Variants in CCNB2 observed in about 807,000 individuals in gnomAD.
CCNB2 encodes cyclin B2.
CCNB2 carries 39 observed loss-of-function variants against 51.1 expected under a neutral mutation model. The observed-to-expected ratio is 0.76, with a 90% CI of 0.59 to 1.00. The LOEUF (loss-of-function observed/expected upper bound fraction) is 1.00. Among genes scored for constraint, CCNB2 ranks in the 50% least tolerant of loss-of-function variants. The pLI, the probability that CCNB2 is intolerant of heterozygous loss-of-function variation, is 0.00. For synonymous variants in CCNB2, 174 were observed against 165.5 expected (o/e 1.05, Z -0.40); for missense variants, 472 against 470.3 (o/e 1.00, Z -0.03).
In CCNB2 at chr15:59,121,931, C is replaced by CAA. The variant is rs3052992; in HGVS notation, c.976-1557_976-1556dup. ...TGGGCGACAGAATGAGACTCTGTCTCAAAAAAAAAAAAAAAAAAAAAAAAA... is the reference window on the plus strand; with the variant it reads ...TGGGCGACAGAATGAGACTCTGTCTCAAAAAAAAAAAAAAAAAAAAAAAAAAA... On this transcript the variant is annotated intron_variant, in intron 7 of 8. Coordinates refer to ENST00000288207, the MANE Select transcript of CCNB2 (RefSeq NM_004701.4). Among the ~76,000 whole-genome samples the CAA allele has an allele frequency of 9.1e-3, 128 of 14,074 alleles. 12 individuals carry two copies. Among genetic ancestry groups the CAA allele is most frequent in the East Asian group, 0.018 (8 of 446 alleles). 9.2% of individuals were successfully genotyped at this position (14,074 alleles called of 152,430 possible). A position where few individuals can be genotyped will look rare whatever the true frequency, so the allele number is the denominator to read the frequency against.
At chr15:59,123,808 A>G in intron 8 of CCNB2, 181 bp downstream of exon 8, 2 of 545,962 alleles carry the variant, frequency 3.7e-6, no homozygotes, top group Non-Finnish European at 3.3e-6. Flanking sequence ...GCATACTGAT[A>G]AACCCTGAAA....
At chr15:59,115,611 G>C (rs1438612772) in intron 5 of CCNB2, 2 of 152,068 alleles carry the variant, frequency 1.3e-5, no homozygotes, top group Admixed American at 6.5e-5. Flanking sequence ...CACAAATTCT[G>C]TCCAAACAAT....
chr15:59,108,678 G>A (rs1009902695), intron 3 of CCNB2, among the ~76,000 whole-genome samples: 3 of 152,142 alleles, frequency 2.0e-5, no homozygotes, highest in Non-Finnish European at 2.9e-5. Flanking sequence ...AGGAGAGGGC[G>A]GTAGCTTTGG....
chr15:59,112,555 T>C (rs1228751795), intron 3 of CCNB2, among the ~76,000 whole-genome samples: 8 of 151,720 alleles, frequency 5.3e-5, no homozygotes, highest in Non-Finnish European at 8.8e-5. Context: ...CCATGTTGGT[T>C]AGGCTGATTT....
chr15:59,106,737 T>A (rs1006298409), intron 1 of CCNB2, among the ~76,000 whole-genome samples: 6 of 152,056 alleles, frequency 3.9e-5, no homozygotes, highest in Non-Finnish European at 8.8e-5. Context: ...TAAGAGAAAA[T>A]CCATTCTATG....
intron 5 of CCNB2, 123 bp downstream of exon 5, chr15:59,114,999 A>G: frequency 9.3e-7 from 1 of 1,076,932 alleles, no homozygotes; most frequent in Non-Finnish European, 1.3e-6. Context: ...GTGAGAAGCC[A>G]AAGAACTTTG....
Position 59,123,619 on chromosome 15 carries a change from A to G in CCNB2, c.1078A>G (p.Lys360Glu). The G allele has an allele frequency of 6.3e-7, 1 of 1,598,096 alleles. No individual in the cohort carries two copies. The highest frequency in any genetic ancestry group is 8.6e-7 in the Non-Finnish European group (1 of 1,167,856). The change falls in exon 8 of 9, where the codon AAA becomes GAA. Residue 360 changes from lysine (K) to glutamate (E), a missense_variant. Lys to Glu is a moderately conservative substitution (Grantham distance 56). Transcript: ENST00000288207. ...GGTGAAAGTAAATGAAAACTTAACTAAATTCATCGTAAGTACTACTGTTTT... is the reference window on the plus strand; with the variant it reads ...GGTGAAAGTAAATGAAAACTTAACTGAATTCATCGTAAGTACTACTGTTTT... ...NVVKVNENLT[K>E]FIAIKNKYAS...
At chr15:59,117,445 A>T in intron 7 of CCNB2, 77 bp downstream of exon 7, 1 of 1,418,388 alleles carries the variant, frequency 7.1e-7, no homozygotes, top group South Asian at 1.2e-5. Context: ...TAGCATTTTT[A>T]CAACACTATC....
Position 59,114,757 on chromosome 15 carries a change from G to A in CCNB2, c.478G>A (p.Asp160Asn). Residue 160 changes from aspartate to asparagine, a missense_variant, in exon 5 of 9, where the codon GAT becomes AAT. Transcript: ENST00000288207. ...SINPHFLDGR[D>N]INGRMRAILV... ...AAACCCACATTTCTTAGATGGAAGAGATATAAATGGACGCATGCGTGCCAT... is the reference window on the plus strand; with the variant it reads ...AAACCCACATTTCTTAGATGGAAGAAATATAAATGGACGCATGCGTGCCAT... 1 of 1,614,050 alleles carries A rather than the reference G, an allele frequency of 6.2e-7. No homozygotes were observed. The highest frequency in any genetic ancestry group is 8.5e-7 in the Non-Finnish European group (1 of 1,179,936).
chr15:59,105,217 A>G lies in CCNB2; in HGVS notation c.-52A>G, dbSNP rs1335874625. 6.5e-7 allele frequency: 1 copy of G among 1,539,744 alleles called. No individual in the cohort carries two copies. ...TCGTACGCTAGTGTCCTCCCTTTTCAGTCCGCGTCCCTCCCTGGGCCGGGC... is the reference window on the plus strand; with the variant it reads ...TCGTACGCTAGTGTCCTCCCTTTTCGGTCCGCGTCCCTCCCTGGGCCGGGC... On this transcript the variant is annotated 5_prime_UTR_variant, in exon 1 of 9. Coordinates refer to ENST00000288207, the MANE Select transcript of CCNB2 (RefSeq NM_004701.4).
At chr15:59,107,194 T>C (rs1420612702) in intron 1 of CCNB2, 128 bp from the exon 2 acceptor site, 2 of 819,522 alleles carry the variant, frequency 2.4e-6, no homozygotes, top group East Asian at 2.7e-5. Flanking sequence ...GAAATGTACC[T>C]TTTCCATCTT....
In CCNB2 at chr15:59,113,062, A is replaced by AT. The variant is rs538450551; in HGVS notation, c.268-1375dup. Among the ~76,000 whole-genome samples, 23 of 152,060 alleles carry AT rather than the reference A, an allele frequency of 1.5e-4. 2 individuals are homozygous for AT. The South Asian group carries it at 3.5e-3, about 23-fold the overall frequency. ...AAAAAAAACATTTAAAAAAGCAAAG[A>AT]TTTTTTTATCTTTCATTAATAAATA... On this transcript the variant is annotated intron_variant, in intron 3 of 8. Coordinates refer to ENST00000288207, the MANE Select transcript of CCNB2 (RefSeq NM_004701.4).
intron 5 of CCNB2, 131 bp downstream of exon 5, chr15:59,115,007 T>G (rs1292130711): frequency 1.0e-6 from 1 of 967,882 alleles, no homozygotes; most frequent in Non-Finnish European, 1.5e-6. Context: ...CCAAAGAACT[T>G]TGGGGACTAA....
chr15:59,105,451 G>T (rs1285040046), intron 1 of CCNB2, among the ~76,000 whole-genome samples, 159 bp downstream of exon 1: 1 of 152,214 alleles, frequency 6.6e-6, no homozygotes, highest in Non-Finnish European at 1.5e-5. Context: ...CCTGCGGCCG[G>T]TCCTCTCCGG....
At chr15:59,123,702 G>GCGGCCCCCCCC in intron 8 of CCNB2, 75 bp downstream of exon 8, 1 of 677,806 alleles carries the variant, frequency 1.5e-6, no homozygotes, top group Non-Finnish European at 2.6e-6. Flanking sequence ...GCGGGGGGGG[G>GCGGCCCCCCCC]CGGTGTGTGC....
chr15:59,115,205 T>C (rs902267172), intron 5 of CCNB2, among the ~76,000 whole-genome samples: 6 of 152,160 alleles, frequency 3.9e-5, no homozygotes, highest in Admixed American at 3.9e-4. Flanking sequence ...GGATGCTGGT[T>C]TTCTGGGCCT....
chr15:59,107,711 C>A (rs201973541), intron 3 of CCNB2, 41 bp downstream of exon 3: 2 of 1,514,202 alleles, frequency 1.3e-6, no homozygotes, highest in East Asian at 2.2e-5. Context: ...AATGAGGTAG[C>A]CTGTTTTTAG....
chr15:59,116,430 G>A (rs1173693934), intron 5 of CCNB2, among the ~76,000 whole-genome samples: 4 of 152,174 alleles, frequency 2.6e-5, no homozygotes, highest in Admixed American at 1.3e-4. Flanking sequence ...ATTTGTAATT[G>A]AGGAATAAAA....
chr15:59,105,520 A>G (rs991981960), intron 1 of CCNB2, among the ~76,000 whole-genome samples: 10 of 151,890 alleles, frequency 6.6e-5, no homozygotes, highest in African/African-American at 2.4e-4. Flanking sequence ...CCGGGGTGGG[A>G]GAAGTGTAGG....
Sources: gnomAD v4.1 joint callset for allele counts (sites outside exome capture counted in the v4.1 genomes callset) on GRCh38, gnomAD v4.1.1 for gene constraint, MANE v1.5 for transcripts, NCBI Gene and HGNC (gene_info 2026-07-23, HGNC 2026-07-21) for gene names.